The following ZNF563 variants were observed in gnomAD, a reference collection of about 807,000 sequenced individuals.
ZNF563 encodes the protein zinc finger protein 563.
In ZNF563, 39 loss-of-function variants were observed where a neutral mutation model predicts 48.5. The ratio of observed to expected loss-of-function variants is 0.80; its 90% CI spans 0.62 to 1.05. The LOEUF (loss-of-function observed/expected upper bound fraction) is 1.05, where lower values mean the gene tolerates loss of function less well. ZNF563 is among the 50% of genes least tolerant of loss of function. ZNF563 has a pLI of 0.00. For synonymous variants in ZNF563, 168 were observed against 187.9 expected (o/e 0.89, Z 0.87); for missense variants, 538 against 597.0 (o/e 0.90, Z 1.03).
chr19:12,317,886 A>C lies in ZNF563; in HGVS notation c.*708T>G, dbSNP rs1968475005. 1.1e-5 allele frequency: 2 copies of C among 186,198 alleles called. No individual in the cohort carries two copies. The highest frequency in any genetic ancestry group is 2.7e-4 in the East Asian group (2 of 7,370). 11.5% of individuals were successfully genotyped at this position (186,198 alleles called of 1,614,324 possible). On this transcript the variant is annotated 3_prime_UTR_variant, in exon 4 of 4. Transcript: ENST00000293725. Reference sequence around the variant, plus strand: ...TAAAGAATACTTCCCTACATTTCACACATTTATAGAGTATCTCTCCAGTGA... The same window carrying C: ...TAAAGAATACTTCCCTACATTTCACCCATTTATAGAGTATCTCTCCAGTGA...
Position 12,319,386 on chromosome 19 carries a change from A to C in ZNF563, c.639T>G (p.Arg213=). 6.2e-7 allele frequency: 1 copy of C among 1,614,132 alleles called. No individual in the cohort carries two copies. The highest frequency in any genetic ancestry group is 1.3e-5 in the African/African-American group (1 of 75,038). Residue 213 remains arginine, a synonymous_variant, in exon 4 of 4, where the codon CGT becomes CGG. Transcript: ENST00000293725. ...CTCCAGTGTGAGTTCTTTCATGCAT[A>C]CGTAATAAACTGGGCCAAAAAAAAG... ...GKAFFWPSLL[R]MHERTHTGEK...
the ZNF563 span, among the ~76,000 whole-genome samples, chr19:12,342,937 C>T: frequency 6.6e-6 from 1 of 151,934 alleles, no homozygotes; most frequent in African/African-American, 2.4e-5. Flanking sequence ...GTGGGTTACA[C>T]CTGTAATCCC....
intron 1 of ZNF563, 95 bp downstream of exon 1, chr19:12,333,385 T>C: frequency 6.5e-7 from 1 of 1,533,094 alleles, no homozygotes; most frequent in Non-Finnish European, 8.9e-7. Flanking sequence ...ACCCCGGAGC[T>C]GACGGCGGGG....
At chr19:12,342,783 A>G in the ZNF563 span, among the ~76,000 whole-genome samples, 2 of 138,306 alleles carry the variant, frequency 1.4e-5, no homozygotes, top group South Asian at 4.2e-4. Flanking sequence ...AAAAATTAAA[A>G]AAAAAAAAAA....
chr19:12,319,135 C>G lies in ZNF563; in HGVS notation c.890G>C (p.Arg297Pro). The change falls in exon 4 of 4, where the codon CGA (arginine) becomes CCA (proline). Residue 297 changes from arginine (R) to proline (P), a missense_variant. Transcript: ENST00000293725. ...GKAFSVSSSLRRHETTHSAEK... is the reference protein window; with the variant it reads ...GKAFSVSSSLPRHETTHSAEK... ...TGCACTGTGAGTGGTTTCATGTCTT[C>G]GAAGGGAACTGGAAACACTGAAGGC... is the stretch of plus-strand genomic sequence containing the variant. 2 of 1,614,036 alleles carry G rather than the reference C, an allele frequency of 1.2e-6. No homozygotes were observed. Among genetic ancestry groups the G allele is most frequent in the Non-Finnish European group, 1.7e-6 (2 of 1,180,010 alleles).
chr19:12,343,358 G>A, the ZNF563 span, among the ~76,000 whole-genome samples: 1 of 152,160 alleles, frequency 6.6e-6, no homozygotes, highest in African/African-American at 2.4e-5. Context: ...CTGCTCAGGA[G>A]GCTGAGGGAG....
chr19:12,327,937 T>TACAC (rs113058327), intron 1 of ZNF563, among the ~76,000 whole-genome samples: 18 of 152,138 alleles, frequency 1.2e-4, no homozygotes, highest in African/African-American at 4.3e-4. Context: ...CAAGGCAAAA[T>TACAC]ACACACATCT....
chr19:12,339,861 G>A, the ZNF563 span, among the ~76,000 whole-genome samples: 4 of 152,124 alleles, frequency 2.6e-5, no homozygotes, highest in Admixed American at 6.6e-5. Flanking sequence ...AAAGAGAAAC[G>A]CATAAATGCA....
At chr19:12,345,479 T>C in the ZNF563 span, among the ~76,000 whole-genome samples, 2 of 152,182 alleles carry the variant, frequency 1.3e-5, no homozygotes, top group African/African-American at 4.8e-5. Context: ...CGTTCTTTGG[T>C]AGAAGGACAA....
chr19:12,324,617 T>C (rs1311148117), intron 1 of ZNF563, among the ~76,000 whole-genome samples: 1 of 149,974 alleles, frequency 6.7e-6, no homozygotes, highest in Non-Finnish European at 1.5e-5. Flanking sequence ...CTCAAGAGGC[T>C]GAGGCAGGAG....
At chr19:12,346,143 A>C in the ZNF563 span, 2 of 152,194 alleles carry the variant, frequency 1.3e-5, no homozygotes, top group East Asian at 1.9e-4. Context: ...CAGTGTATAA[A>C]GAATTCCTAC....
intron 2 of ZNF563, among the ~76,000 whole-genome samples, chr19:12,322,173 A>G (rs768354438): frequency 3.3e-5 from 5 of 152,026 alleles, no homozygotes; most frequent in African/African-American, 4.8e-5. Flanking sequence ...CTGCTACCTT[A>G]GCCTCCTGAG....
chr19:12,321,234 C>T, intron 3 of ZNF563, 38 bp downstream of exon 3: 1 of 1,414,228 alleles, frequency 7.1e-7, no homozygotes, highest in Non-Finnish European at 9.8e-7. Flanking sequence ...CTGAGAATCA[C>T]TTCAGAAACA....
upstream of ZNF563, among the ~76,000 whole-genome samples, chr19:12,335,730 C>T (rs1375512749): frequency 6.6e-6 from 1 of 152,206 alleles, no homozygotes; most frequent in Non-Finnish European, 1.5e-5. Flanking sequence ...CAAGAACAAT[C>T]TAGACACACA....
At chr19:12,326,031 T>G (rs1968785081) in intron 1 of ZNF563, among the ~76,000 whole-genome samples, 3 of 152,152 alleles carry the variant, frequency 2.0e-5, no homozygotes. Flanking sequence ...TACTTTTCAA[T>G]GCACACAAAA....
At chr19:12,346,491 G>C in the ZNF563 span, 2 of 152,206 alleles carry the variant, frequency 1.3e-5, no homozygotes, top group Non-Finnish European at 2.9e-5. Context: ...TTGCTGGAGA[G>C]AATGTAAAAC....
At position 12,317,491 on chromosome 19, in the gene ZNF563, T is replaced by TTTTTTTTTTTTTTTTTTTTTTTTTTG. The variant is rs1342197009; in HGVS notation, c.*1102_*1103insCAAAAAAAAAAAAAAAAAAAAAAAAA. On this transcript the variant is annotated 3_prime_UTR_variant, in exon 4 of 4. Coordinates refer to ENST00000293725, the MANE Select transcript of ZNF563 (RefSeq NM_145276.3). ...TCTTTCTTTCCTTTTTTTTTTTTTT[T>TTTTTTTTTTTTTTTTTTTTTTTTTTG]GTGTGTGTGACAGAGGTTGTTTTGC... 1 of 146,672 alleles carries TTTTTTTTTTTTTTTTTTTTTTTTTTG rather than the reference T, an allele frequency of 6.8e-6. No individual in the cohort carries two copies. Among genetic ancestry groups the TTTTTTTTTTTTTTTTTTTTTTTTTTG allele is most frequent in the Non-Finnish European group, 1.5e-5 (1 of 66,624 alleles). The allele number at this position is 146,672 out of a possible 1,614,324, so 9.1% of individuals were successfully genotyped here.
chr19:12,343,672 C>T, the ZNF563 span, among the ~76,000 whole-genome samples: 3 of 149,560 alleles, frequency 2.0e-5, no homozygotes, highest in African/African-American at 4.9e-5. Context: ...AAAGACATTA[C>T]GAGAACAGAA....
upstream of ZNF563, among the ~76,000 whole-genome samples, chr19:12,334,493 A>G (rs1203454439): frequency 6.6e-6 from 1 of 152,122 alleles, no homozygotes; most frequent in Non-Finnish European, 1.5e-5. Flanking sequence ...AGCTCAACAT[A>G]CTTCCCTGTG....
Sources: allele counts gnomAD v4.1 joint callset (sites outside exome capture counted in the v4.1 genomes callset), GRCh38; gene constraint gnomAD v4.1.1; transcripts MANE v1.5; gene names NCBI Gene and HGNC (gene_info 2026-07-23, HGNC 2026-07-21).